MACROD2: variants seen among roughly 807,000 people sequenced by gnomAD.
The protein encoded by MACROD2 is mono-ADP ribosylhydrolase 2.
In MACROD2, 36 loss-of-function variants were observed where a neutral mutation model predicts 70.4. The observed-to-expected ratio is 0.51, with a 90% CI of 0.39 to 0.68. The LOEUF is 0.68. Ranked by LOEUF, MACROD2 falls within the 30% of genes least tolerant of loss-of-function variation. The pLI is 0.00. For missense variants in MACROD2, 496 were observed against 538.4 expected (o/e 0.92, Z 0.78); for synonymous variants, 172 against 178.8 (o/e 0.96, Z 0.30).
chr20:15,065,982 T>G (rs991286697), intron 5 of MACROD2, among the ~76,000 whole-genome samples: 2 of 152,090 alleles, frequency 1.3e-5, no homozygotes, highest in African/African-American at 4.8e-5. Flanking sequence ...GCTTGGGGGT[T>G]GAGTTTAGGT....
At chr20:15,648,320 C>G (rs920754627) in intron 8 of MACROD2, among the ~76,000 whole-genome samples, 1 of 152,196 alleles carries the variant, frequency 6.6e-6, no homozygotes, top group African/African-American at 2.4e-5. Context: ...CAGCCACAAG[C>G]CTTCTTGCTA....
chr20:15,852,168 T>C lies in MACROD2; in HGVS notation c.646-10577T>C, dbSNP rs904942767. ...GTGTCGTTTGTGAAATTTTGATCAA[T>C]ATGAGGCAGGCTCGGAAATTAACTT... On this transcript the variant is annotated intron_variant, in intron 8 of 17. Transcript: ENST00000684519. Among the ~76,000 whole-genome samples, 4 of 152,274 alleles carry C rather than the reference T, an allele frequency of 2.6e-5. No individual in the cohort carries two copies. In the South Asian group the frequency reaches 6.2e-4, roughly 24 times the overall value.
chr20:14,311,403 A>G (rs1478540571), intron 3 of MACROD2, among the ~76,000 whole-genome samples: 3 of 152,190 alleles, frequency 2.0e-5, no homozygotes, highest in Non-Finnish European at 2.9e-5. Context: ...GTAGTAGGCT[A>G]TACTATCTAG....
intron 6 of MACROD2, among the ~76,000 whole-genome samples, chr20:15,396,657 T>G (rs966225651): frequency 6.6e-6 from 1 of 152,212 alleles, no homozygotes; most frequent in African/African-American, 2.4e-5. Flanking sequence ...TTATTTTATT[T>G]TATTTGTTTT....
intron 8 of MACROD2, among the ~76,000 whole-genome samples, chr20:15,554,420 AATTTATAGCC>A (rs1442163110): frequency 6.6e-6 from 1 of 152,182 alleles, no homozygotes; most frequent in African/African-American, 2.4e-5. Context: ...ATAGCTAGAT[AATTTATAGCC>A]TTGTAAATCT....
chr20:14,795,918 T>C (rs1239340617), intron 5 of MACROD2, among the ~76,000 whole-genome samples: 2 of 152,010 alleles, frequency 1.3e-5, no homozygotes, highest in East Asian at 3.9e-4. Context: ...GTGTATCTTG[T>C]GGGAGCCAAT....
chr20:14,446,356 C>T (rs138055134), intron 3 of MACROD2, among the ~76,000 whole-genome samples: 1 of 152,074 alleles, frequency 6.6e-6, no homozygotes, highest in Admixed American at 6.5e-5. Flanking sequence ...GTGTGTCTAA[C>T]GTCACTAACT....
chr20:14,464,635 G>A (rs1005780326), intron 3 of MACROD2, among the ~76,000 whole-genome samples: 5 of 151,824 alleles, frequency 3.3e-5, no homozygotes, highest in East Asian at 3.9e-4. Flanking sequence ...TTAGGGTGTC[G>A]ATTTTAGATC....
At chr20:15,413,253 A>G (rs1489041861) in intron 6 of MACROD2, among the ~76,000 whole-genome samples, 1 of 152,138 alleles carries the variant, frequency 6.6e-6, no homozygotes. Flanking sequence ...TTCGCTTCAC[A>G]TCAAAGGTAA....
chr20:15,508,806 C>A (rs577996185), intron 8 of MACROD2, among the ~76,000 whole-genome samples: 1 of 152,160 alleles, frequency 6.6e-6, no homozygotes, highest in Non-Finnish European at 1.5e-5. Context: ...GTGTTCCCTA[C>A]CATTTTGGAA....
intron 3 of MACROD2, among the ~76,000 whole-genome samples, chr20:14,425,542 C>G (rs2083923711): frequency 6.6e-6 from 1 of 152,154 alleles, no homozygotes; most frequent in African/African-American, 2.4e-5. Flanking sequence ...GCTTGGTTTT[C>G]TATGTACTTG....
At chr20:15,681,659 A>G (rs189796672) in intron 8 of MACROD2, among the ~76,000 whole-genome samples, 2 of 152,314 alleles carry the variant, frequency 1.3e-5, no homozygotes, top group East Asian at 1.9e-4. Context: ...TGCAGGTGTT[A>G]TATCATTTTC....
At chr20:14,265,702 C>T (rs1380646894) in intron 3 of MACROD2, among the ~76,000 whole-genome samples, 3 of 151,708 alleles carry the variant, frequency 2.0e-5, no homozygotes, top group Non-Finnish European at 2.9e-5. Context: ...ATTTTAAAAA[C>T]GCTTGTTTTC....
intron 8 of MACROD2, among the ~76,000 whole-genome samples, chr20:15,685,347 T>G (rs2050212259): frequency 6.6e-6 from 1 of 152,188 alleles, no homozygotes; most frequent in South Asian, 2.1e-4. Flanking sequence ...TTTATTTCTT[T>G]TATTTGTGTG....
chr20:15,834,080 C>T (rs1036453975), intron 8 of MACROD2, among the ~76,000 whole-genome samples: 1 of 152,156 alleles, frequency 6.6e-6, no homozygotes, highest in Non-Finnish European at 1.5e-5. Context: ...TTCAGTGAGT[C>T]TATAACACAG....
At chr20:15,847,441 G>A (rs1164741149) in intron 8 of MACROD2, among the ~76,000 whole-genome samples, 3 of 152,066 alleles carry the variant, frequency 2.0e-5, no homozygotes, top group Admixed American at 6.6e-5. Flanking sequence ...CAGCACAAAC[G>A]CAAATAAAGC....
chr20:14,369,677 C>T (rs1180395133), intron 3 of MACROD2, among the ~76,000 whole-genome samples: 1 of 152,126 alleles, frequency 6.6e-6, no homozygotes, highest in African/African-American at 2.4e-5. Flanking sequence ...GTATAATGTG[C>T]ACTGTCCGTT....
intron 7 of MACROD2, among the ~76,000 whole-genome samples, chr20:15,477,693 G>C (rs567708830): frequency 1.4e-4 from 21 of 152,240 alleles, no homozygotes; most frequent in African/African-American, 5.1e-4. Flanking sequence ...CTCAAAAAGA[G>C]GTCCGCGTCC....
intron 3 of MACROD2, among the ~76,000 whole-genome samples, chr20:14,307,117 T>G (rs2082527804): frequency 6.6e-6 from 1 of 152,096 alleles, no homozygotes; most frequent in Non-Finnish European, 1.5e-5. Flanking sequence ...ATAAAAGTTA[T>G]GGATGACTTA....
Sources: gnomAD v4.1 joint callset for allele counts (sites outside exome capture counted in the v4.1 genomes callset) on GRCh38, gnomAD v4.1.1 for gene constraint, MANE v1.5 for transcripts, NCBI Gene and HGNC (gene_info 2026-07-23, HGNC 2026-07-21) for gene names.